Variants in PAK3 observed in about 807,000 individuals in gnomAD.
PAK3 encodes the protein p21 (RAC1) activated kinase 3.
PAK3 carries 4 observed loss-of-function variants against 41.0 expected under a neutral mutation model. That is an observed-to-expected ratio of 0.10 (90% CI 0.05 to 0.22). PAK3 has a LOEUF of 0.22. Among genes scored for constraint, PAK3 ranks in the 10% least tolerant of loss-of-function variants. The pLI, the probability that PAK3 is intolerant of heterozygous loss-of-function variation, is 1.00. For synonymous variants in PAK3, 146 were observed against 139.6 expected, an observed-to-expected ratio of 1.05 and a Z score of -0.32; for missense variants, 205 against 409.9, an observed-to-expected ratio of 0.50 and a Z score of 4.32.
At chrX:111,169,523 A>G (rs1408632461) in intron 10 of PAK3, 1 of 112,136 alleles carries the variant, frequency 8.9e-6, no homozygotes, top group Non-Finnish European at 1.9e-5. Context: ...GAGAAGATAC[A>G]GTAGTAGCAC....
chrX:110,966,363 T>A (rs963355207), intron 1 of PAK3, among the ~76,000 whole-genome samples: 8 of 110,504 alleles, frequency 7.2e-5, no homozygotes, highest in African/African-American at 2.6e-4. Flanking sequence ...ACAGGCCCAC[T>A]GCTTCCCCAT....
intron 17 of PAK3, among the ~76,000 whole-genome samples, chrX:111,219,878 C>CA (rs1381114893): frequency 1.0e-4 from 11 of 108,853 alleles, no homozygotes; most frequent in East Asian, 2.9e-4. Context: ...GCTTCTGAGG[C>CA]AAAAAAAATA....
At chrX:110,964,130 C>T (rs2091035798) in intron 1 of PAK3, among the ~76,000 whole-genome samples, 1 of 111,850 alleles carries the variant, frequency 8.9e-6, no homozygotes, top group South Asian at 3.8e-4. Flanking sequence ...TCCATTGTTA[C>T]TATTATTTTT....
Position 111,226,263 on chromosome X carries a change from G to A in PAK3, c.*5816G>A, listed in dbSNP as rs1171791519. On this transcript the variant is annotated 3_prime_UTR_variant, in exon 18 of 18. Coordinates refer to ENST00000372007, the MANE Select transcript of PAK3 (RefSeq NM_002578.5). ...GCAGCCTTCCAATTCATTTACAGTTGTTTCGTTTTGTTTTTGTTTTAATGT... is the reference window on the plus strand; with the variant it reads ...GCAGCCTTCCAATTCATTTACAGTTATTTCGTTTTGTTTTTGTTTTAATGT... The A allele has an allele frequency of 9.0e-6, 1 of 111,371 alleles. No homozygotes were observed. The highest frequency in any genetic ancestry group is 3.8e-4 in the South Asian group (1 of 2,664). 9.2% of individuals were successfully genotyped at this position (111,371 alleles called of 1,213,427 possible). A position where few individuals can be genotyped will look rare whatever the true frequency, so the allele number is the denominator to read the frequency against.
At chrX:111,152,294 G>A (rs1293443991) in intron 7 of PAK3, 116 bp from the exon 8 acceptor site, 3 of 529,403 alleles carry the variant, frequency 5.7e-6, no homozygotes, top group Non-Finnish European at 1.0e-5. Context: ...TACTAAATTG[G>A]AGCATTTCCT....
chrX:111,083,291 A>G (rs1438512093), intron 1 of PAK3, among the ~76,000 whole-genome samples: 1 of 112,178 alleles, frequency 8.9e-6, no homozygotes, highest in Non-Finnish European at 1.9e-5. Flanking sequence ...TTGGTATGCC[A>G]TGGCTACTGG....
chrX:111,206,023 T>C lies in PAK3; in HGVS notation c.1407+9383T>C, dbSNP rs2094743239. 3.6e-5 allele frequency among the ~76,000 whole-genome samples: 4 copies of C among 111,165 alleles called. No individual in the cohort carries two copies. In the South Asian group the frequency reaches 1.5e-3, roughly 43 times the overall value. ...AAGTTGATAAACCAAGTATACACAG[T>C]ATTTTGAGAAGTTTTGTGGGAAAAG... On this transcript the variant is annotated intron_variant, in intron 16 of 17. Transcript: ENST00000372007.
At chrX:111,124,440 C>G (rs2093619883) in intron 5 of PAK3, among the ~76,000 whole-genome samples, 1 of 111,362 alleles carries the variant, frequency 9.0e-6, no homozygotes, top group African/African-American at 3.3e-5. Context: ...TAGGGTGTAC[C>G]ATAATGTGGA....
rs764793182 is a variant in PAK3, at chrX:111,218,427, G to T, written c.1545+1869G>T. On this transcript the variant is annotated intron_variant, in intron 17 of 17. Transcript: ENST00000372007. ...AGCTGTTCAAATAGTAAATGATATG[G>T]TTGATTAGAGAAATACTTCTGTTAG... Among the ~76,000 whole-genome samples, 14 of 112,295 alleles carry T rather than the reference G, an allele frequency of 1.2e-4. No individual in the cohort carries two copies. The South Asian group carries it at 4.9e-3, about 39-fold the overall frequency.
At chrX:111,038,588 G>A (rs1287017429) in intron 1 of PAK3, among the ~76,000 whole-genome samples, 2 of 112,097 alleles carry the variant, frequency 1.8e-5, no homozygotes, top group Non-Finnish European at 3.8e-5. Flanking sequence ...GCTTTTCACA[G>A]TGTAGTGGTT....
intron 17 of PAK3, chrX:111,217,642 C>T (rs1298921134): frequency 1.1e-6 from 1 of 932,663 alleles, no homozygotes; most frequent in African/African-American, 2.0e-5. Context: ...GAGACTACAT[C>T]TTTTCTTTTC....
rs542329725 is a variant in PAK3 at position 110,964,577 on chromosome X, G to T, written c.-28+19949G>T. ...AACTCCAGGGAGCACTGTTCACATTGCAGTCTCTGTGCAGTGTGCCTCTTG... is the reference window on the plus strand; with the variant it reads ...AACTCCAGGGAGCACTGTTCACATTTCAGTCTCTGTGCAGTGTGCCTCTTG... On this transcript the variant is annotated intron_variant, in intron 1 of 14. Coordinates refer to the PAK3 transcript ENST00000425146. 7.1e-5 allele frequency among the ~76,000 whole-genome samples: 8 copies of T among 112,390 alleles called. No individual in the cohort carries two copies. In the South Asian group the frequency reaches 3.0e-3, roughly 42 times the overall value.
chrX:111,078,930 A>G (rs1272044884), intron 1 of PAK3, among the ~76,000 whole-genome samples: 1 of 112,275 alleles, frequency 8.9e-6, no homozygotes, highest in Non-Finnish European at 1.9e-5. Context: ...AACCAGCTAC[A>G]ACATTCCCTT....
chrX:110,970,602 G>T (rs542804333), intron 1 of PAK3, among the ~76,000 whole-genome samples: 1 of 110,960 alleles, frequency 9.0e-6, no homozygotes, highest in African/African-American at 3.3e-5. Context: ...TGCTGTGGGT[G>T]GGGGGAAAGA....
At chrX:111,076,057 G>A (rs1603121566) in intron 1 of PAK3, among the ~76,000 whole-genome samples, 1 of 112,286 alleles carries the variant, frequency 8.9e-6, no homozygotes, top group African/African-American at 3.2e-5. Flanking sequence ...TGTACCTTGG[G>A]AGTGAATAAG....
At chrX:111,016,131 G>A (rs1422720547) in intron 1 of PAK3, among the ~76,000 whole-genome samples, 1 of 112,621 alleles carries the variant, frequency 8.9e-6, no homozygotes, top group East Asian at 2.8e-4. Context: ...TCACGAATAT[G>A]TACCAACCAA....
At chrX:111,104,421 A>G (rs1042326816) in intron 4 of PAK3, among the ~76,000 whole-genome samples, 1 of 112,215 alleles carries the variant, frequency 8.9e-6, no homozygotes, top group African/African-American at 3.2e-5. Context: ...GACAAGGTAA[A>G]ACTGCAGCTC....
intron 1 of PAK3, among the ~76,000 whole-genome samples, chrX:111,063,095 A>G (rs2092670985): frequency 8.9e-6 from 1 of 111,988 alleles, no homozygotes; most frequent in African/African-American, 3.2e-5. Context: ...TGTCTCCCAC[A>G]CTTCTGGGAA....
chrX:110,948,861 TAAAGCCAGAGTG>T (rs753656128), intron 1 of PAK3, among the ~76,000 whole-genome samples: 1 of 112,555 alleles, frequency 8.9e-6, no homozygotes. Context: ...TGTGATGCTG[TAAAGCCAGAGTG>T]AAGTTATTCG....
Sources: allele counts gnomAD v4.1 joint callset (sites outside exome capture counted in the v4.1 genomes callset), GRCh38; gene constraint gnomAD v4.1.1; transcripts MANE v1.5; gene names NCBI Gene and HGNC (gene_info 2026-07-23, HGNC 2026-07-21).